CEP128: variants seen among roughly 807,000 people sequenced by gnomAD.
CEP128 encodes centrosomal protein 128.
In CEP128, 132 loss-of-function variants were observed where a neutral mutation model predicts 156.7. The ratio of observed to expected loss-of-function variants is 0.84; its 90% CI spans 0.73 to 0.97. The LOEUF (loss-of-function observed/expected upper bound fraction) is 0.97, where lower values mean the gene tolerates loss of function less well. CEP128 is among the 50% of genes least tolerant of loss of function. The pLI, the probability that CEP128 is intolerant of heterozygous loss-of-function variation, is 0.00. For missense variants in CEP128, 1,252 were observed against 1,281.9 expected (o/e 0.98, Z 0.36); for synonymous variants, 469 against 448.9 (o/e 1.04, Z -0.57).
chr14:80,631,951 T>C (rs1323853154), intron 19 of CEP128, among the ~76,000 whole-genome samples: 1 of 152,084 alleles, frequency 6.6e-6, no homozygotes, highest in Admixed American at 6.6e-5. Flanking sequence ...ACATAATTAC[T>C]AAGACAGAGG....
chr14:80,582,389 T>C (rs1180135277), intron 19 of CEP128, among the ~76,000 whole-genome samples: 1 of 152,172 alleles, frequency 6.6e-6, no homozygotes, highest in Non-Finnish European at 1.5e-5. Context: ...AACTAATAGA[T>C]GCACTGGAAA....
At chr14:80,602,292 T>C (rs1010998101) in intron 19 of CEP128, among the ~76,000 whole-genome samples, 18 of 152,048 alleles carry the variant, frequency 1.2e-4, no homozygotes, top group African/African-American at 4.3e-4. Flanking sequence ...CAATATAGGA[T>C]AGAACAAATA....
intron 21 of CEP128, among the ~76,000 whole-genome samples, chr14:80,553,082 T>TC: frequency 8.8e-6 from 1 of 114,048 alleles, no homozygotes; most frequent in East Asian, 3.0e-4. Context: ...TTTCTTTCTT[T>TC]CTTTTTTTTA....
At position 80,589,928 on chromosome 14, in the gene CEP128, A is replaced by G. The variant is rs1595053500; in HGVS notation, c.2807-9505T>C. Among the ~76,000 whole-genome samples the G allele has an allele frequency of 2.0e-5, 3 of 152,276 alleles. No individual in the cohort carries two copies. The East Asian group carries it at 5.8e-4, about 29-fold the overall frequency. The stretch of plus-strand genomic sequence containing the variant: ...GATGCCAATAAATTAGTTTAATATT[A>G]TACCTTATTAAATTTTTTTCTGGAC... On this transcript the variant is annotated intron_variant, in intron 19 of 24. Transcript: ENST00000555265.
At chr14:80,513,114 G>A (rs992929416) in intron 23 of CEP128, among the ~76,000 whole-genome samples, 3 of 151,906 alleles carry the variant, frequency 2.0e-5, no homozygotes, top group African/African-American at 4.8e-5. Flanking sequence ...ATCCTTTTAC[G>A]TCAGACTGAA....
At chr14:80,834,412 AT>A in intron 12 of CEP128, among the ~76,000 whole-genome samples, 1 of 152,338 alleles carries the variant, frequency 6.6e-6, no homozygotes, top group African/African-American at 2.4e-5. Context: ...TGCAAAGTCA[AT>A]TTTACAAATA....
chr14:80,643,913 T>A (rs971331995), intron 19 of CEP128, among the ~76,000 whole-genome samples: 1 of 152,152 alleles, frequency 6.6e-6, no homozygotes, highest in African/African-American at 2.4e-5. Context: ...TGGGACTTTA[T>A]TTGGAGATAG....
chr14:80,638,573 G>A (rs924629806), intron 19 of CEP128, among the ~76,000 whole-genome samples: 3 of 152,010 alleles, frequency 2.0e-5, no homozygotes, highest in East Asian at 1.9e-4. Context: ...CTTTCTTACC[G>A]TACTGTATTC....
At chr14:80,488,308 C>T (rs987023696), downstream of CEP128, among the ~76,000 whole-genome samples, 1 of 137,926 alleles carries the variant, frequency 7.3e-6, no homozygotes, top group Admixed American at 7.8e-5. Flanking sequence ...ACAACCCCAT[C>T]AAAAAGTGGG....
At position 80,641,720 on chromosome 14, in the gene CEP128, T is replaced by A. The variant is rs373739540; in HGVS notation, c.2807-61297A>T. ...TTTTCTCCTTACTCAAGACTAATTA[T>A]CCCAACAGTGAAAGAAAACTCTATT... is the stretch of plus-strand genomic sequence containing the variant. On this transcript the variant is annotated intron_variant, in intron 19 of 24. Transcript: ENST00000555265. Among the ~76,000 whole-genome samples, 356 of 152,064 alleles carry A rather than the reference T, an allele frequency of 2.3e-3. 2 individuals carry two copies. The highest frequency in any genetic ancestry group is 7.8e-3 in the African/African-American group (325 of 41,454).
intron 19 of CEP128, among the ~76,000 whole-genome samples, chr14:80,593,725 G>A (rs1892188860): frequency 1.3e-5 from 2 of 152,206 alleles, no homozygotes; most frequent in Admixed American, 6.5e-5. Flanking sequence ...ATTCACAATT[G>A]CTACAAAGAG....
At chr14:80,686,718 A>G (rs911866346) in intron 19 of CEP128, among the ~76,000 whole-genome samples, 2 of 152,194 alleles carry the variant, frequency 1.3e-5, no homozygotes, top group African/African-American at 2.4e-5. Flanking sequence ...CCCAAAATTT[A>G]AAAACAAAGG....
intron 19 of CEP128, among the ~76,000 whole-genome samples, chr14:80,733,034 G>T (rs1170950934): frequency 1.3e-5 from 2 of 152,096 alleles, no homozygotes; most frequent in African/African-American, 4.8e-5. Context: ...ATTAACATTT[G>T]AATCAGTAGA....
At chr14:80,530,929 G>C in intron 21 of CEP128, 43 bp from the exon 22 acceptor site, 6 of 1,287,172 alleles carry the variant, frequency 4.7e-6, no homozygotes, top group Non-Finnish European at 6.6e-6. Context: ...ATAAAAAATT[G>C]ATTAATACTC....
chr14:80,941,835 A>C (rs1886179392), upstream of CEP128: 1 of 152,630 alleles, frequency 6.6e-6, no homozygotes, highest in African/African-American at 2.4e-5. Context: ...AGGAATTACC[A>C]AGGGAGAGAG....
intron 22 of CEP128, among the ~76,000 whole-genome samples, chr14:80,529,751 T>C (rs1889141305): frequency 6.6e-6 from 1 of 152,238 alleles, no homozygotes; most frequent in African/African-American, 2.4e-5. Context: ...TCATAATTCT[T>C]TGATAGATAT....
rs188347881 is a variant in CEP128 at position 80,873,331 on chromosome 14, C to A, written c.646-10458G>T. Among the ~76,000 whole-genome samples the A allele has an allele frequency of 5.7e-4, 87 of 152,276 alleles. 1 individual carries two copies. The highest frequency in any genetic ancestry group is 1.9e-3 in the African/African-American group (81 of 41,558). On this transcript the variant is annotated intron_variant, in intron 8 of 24. Transcript: ENST00000555265. Reference sequence around the variant, plus strand: ...CTCTCTGAATTCAGCTAACTGCTAACTTTTTACTCAGTGGCTACATTTTAA... The same window carrying A: ...CTCTCTGAATTCAGCTAACTGCTAAATTTTTACTCAGTGGCTACATTTTAA...
chr14:80,484,790 G>A (rs772642217), intron 14 of CEP128, among the ~76,000 whole-genome samples: 4 of 151,586 alleles, frequency 2.6e-5, no homozygotes, highest in Non-Finnish European at 5.9e-5. Context: ...TCTCCAAGAA[G>A]AGAAATAGAC....
chr14:80,636,826 C>T (rs1894200756), intron 19 of CEP128, among the ~76,000 whole-genome samples: 1 of 152,158 alleles, frequency 6.6e-6, no homozygotes, highest in South Asian at 2.1e-4. Flanking sequence ...GTGGCTCACA[C>T]CTGTAATCCC....
Sources: allele counts gnomAD v4.1 joint callset (sites outside exome capture counted in the v4.1 genomes callset), GRCh38; gene constraint gnomAD v4.1.1; transcripts MANE v1.5; gene names NCBI Gene and HGNC (gene_info 2026-07-23, HGNC 2026-07-21).